RERE: variants seen among roughly 807,000 people sequenced by gnomAD.
RERE encodes arginine-glutamic acid dipeptide repeats.
Under a neutral mutation model 146.1 loss-of-function variants are expected in RERE, and 40 were observed. That is an observed-to-expected ratio of 0.27 (90% CI 0.21 to 0.36). RERE has a LOEUF of 0.36. RERE is among the 10% of genes least tolerant of loss of function. The pLI is 1.00. For missense variants in RERE, 1,933 were observed against 2,138.7 expected, an observed-to-expected ratio of 0.90 and a Z score of 1.90; for synonymous variants, 1,003 against 866.0, an observed-to-expected ratio of 1.16 and a Z score of -2.78.
intron 4 of RERE, among the ~76,000 whole-genome samples, chr1:8,571,961 T>C (rs1646226421): frequency 6.6e-6 from 1 of 152,186 alleles, no homozygotes; most frequent in African/African-American, 2.4e-5. Context: ...TAGGGTAATT[T>C]TTGTCAAAAA....
At chr1:8,620,634 C>T (rs1646905409) in intron 3 of RERE, among the ~76,000 whole-genome samples, 1 of 152,090 alleles carries the variant, frequency 6.6e-6, no homozygotes, top group Non-Finnish European at 1.5e-5. Flanking sequence ...TTCCGTATTA[C>T]TAGTCCTTCA....
chr1:8,749,466 C>T (rs1280488788), intron 1 of RERE, among the ~76,000 whole-genome samples: 1 of 150,738 alleles, frequency 6.6e-6, no homozygotes, highest in East Asian at 1.9e-4. Context: ...GAGTAATGCG[C>T]TACTTTAGAC....
At chr1:8,764,025 C>T (rs778741943) in intron 1 of RERE, among the ~76,000 whole-genome samples, 27 of 152,024 alleles carry the variant, frequency 1.8e-4, no homozygotes, top group Non-Finnish European at 3.4e-4. Context: ...AAAGCTAACT[C>T]AAGGTCAAGA....
chr1:8,403,825 C>CTTTT lies in RERE; in HGVS notation c.1284+18898_1284+18901dup, dbSNP rs869295197. ...TCTATTTTTCTTAATAAAATCTTAG[C>CTTTT]TTTTTTTTTTTTTTTTTTTTTTTGA... is the stretch of plus-strand genomic sequence containing the variant. On this transcript the variant is annotated intron_variant, in intron 12 of 22. Transcript: ENST00000400908. Among the ~76,000 whole-genome samples, 52 of 70,864 alleles carry CTTTT rather than the reference C, an allele frequency of 7.3e-4. 13 individuals are homozygous for CTTTT. Among genetic ancestry groups the CTTTT allele is most frequent in the African/African-American group, 1.4e-3 (24 of 17,002 alleles). The allele number at this position is 70,864 out of a possible 152,430, so 46.5% of individuals were successfully genotyped here.
intron 4 of RERE, among the ~76,000 whole-genome samples, chr1:8,562,519 C>T (rs1450653995): frequency 2.0e-5 from 3 of 152,176 alleles, no homozygotes; most frequent in South Asian, 2.1e-4. Context: ...GACAAGGTCT[C>T]ACTCTGTTAC....
chr1:8,601,573 T>A (rs1200314338), intron 4 of RERE, among the ~76,000 whole-genome samples: 1 of 151,178 alleles, frequency 6.6e-6, no homozygotes, highest in African/African-American at 2.4e-5. Flanking sequence ...CATCCTTCCA[T>A]GATCCTTTGG....
chr1:8,723,668 C>T (rs901488252), intron 1 of RERE, among the ~76,000 whole-genome samples: 7 of 152,110 alleles, frequency 4.6e-5, no homozygotes, highest in Non-Finnish European at 8.8e-5. Flanking sequence ...AAAAATATGT[C>T]GCTGTGAAAT....
intron 1 of RERE, among the ~76,000 whole-genome samples, chr1:8,800,838 G>A (rs1017544493): frequency 2.0e-5 from 3 of 151,970 alleles, no homozygotes; most frequent in Admixed American, 6.6e-5. Context: ...GGTGGCACAC[G>A]CCTGTAGTCC....
intron 11 of RERE, among the ~76,000 whole-genome samples, chr1:8,439,126 G>A (rs1004306792): frequency 2.0e-5 from 3 of 152,206 alleles, no homozygotes; most frequent in South Asian, 2.1e-4. Context: ...TCTGAGAACC[G>A]CTGACAGATA....
chr1:8,608,919 C>T (rs1203517958), intron 4 of RERE, among the ~76,000 whole-genome samples: 1 of 151,964 alleles, frequency 6.6e-6, no homozygotes, highest in Non-Finnish European at 1.5e-5. Context: ...CCTGTCTCTA[C>T]TAAAAATACA....
chr1:8,400,687 GGACT>G (rs1643217344), intron 12 of RERE, among the ~76,000 whole-genome samples: 1 of 151,600 alleles, frequency 6.6e-6, no homozygotes, highest in Non-Finnish European at 1.5e-5. Flanking sequence ...TTTCAGTGAA[GGACT>G]GACAGTTTCA....
At chr1:8,488,864 T>C (rs1644939295) in intron 10 of RERE, among the ~76,000 whole-genome samples, 1 of 152,156 alleles carries the variant, frequency 6.6e-6, no homozygotes, top group South Asian at 2.1e-4. Flanking sequence ...AGAAAATCAA[T>C]TTTCACTCCA....
chr1:8,525,618 T>C, intron 7 of RERE: 1 of 874,504 alleles, frequency 1.1e-6, no homozygotes. Flanking sequence ...CAATACCACC[T>C]ACATGGCCAG....
chr1:8,726,147 C>CTTTTTTTTTTTTTTTTTT (rs70985511), intron 1 of RERE, among the ~76,000 whole-genome samples: 3 of 69,408 alleles, frequency 4.3e-5, no homozygotes, highest in African/African-American at 2.0e-4. Context: ...TTTTTCTTTT[C>CTTTTTTTTTTTTTTTTTT]TTTTTTTTTT....
intron 12 of RERE, among the ~76,000 whole-genome samples, chr1:8,395,728 G>A (rs1307520461): frequency 1.3e-5 from 2 of 152,096 alleles, no homozygotes; most frequent in African/African-American, 2.4e-5. Context: ...TAAGACATCC[G>A]TGTTTCTAAA....
At chr1:8,401,436 T>C (rs1377578727) in intron 12 of RERE, among the ~76,000 whole-genome samples, 2 of 151,708 alleles carry the variant, frequency 1.3e-5, no homozygotes, top group Non-Finnish European at 2.9e-5. Context: ...AGTGAGAACC[T>C]GTCACTAAAT....
At chr1:8,810,084 C>A (rs1004976193) in intron 1 of RERE, among the ~76,000 whole-genome samples, 1 of 151,682 alleles carries the variant, frequency 6.6e-6, no homozygotes, top group Non-Finnish European at 1.5e-5. Flanking sequence ...CAGCTCACTG[C>A]AACCTCCGCC....
chr1:8,689,371 T>G (rs905801541), intron 1 of RERE, among the ~76,000 whole-genome samples: 2 of 152,330 alleles, frequency 1.3e-5, no homozygotes, highest in Non-Finnish European at 2.9e-5. Context: ...AATTTTCTGG[T>G]TGTAGATAGC....
chr1:8,391,802 G>T, intron 12 of RERE, among the ~76,000 whole-genome samples: 1 of 152,150 alleles, frequency 6.6e-6, no homozygotes, highest in East Asian at 1.9e-4. Context: ...TTGGAAGGCC[G>T]AGACAGGTGG....
Sources: gnomAD v4.1 joint callset for allele counts (sites outside exome capture counted in the v4.1 genomes callset) on GRCh38, gnomAD v4.1.1 for gene constraint, MANE v1.5 for transcripts, NCBI Gene and HGNC (gene_info 2026-07-23, HGNC 2026-07-21) for gene names.